Variants in KIF5B observed in about 807,000 individuals in gnomAD.
KIF5B encodes kinesin-1 heavy chain.
A neutral mutation model predicts 132.8 loss-of-function variants in KIF5B; 49 were observed. That is an observed-to-expected ratio of 0.37 (90% CI 0.29 to 0.47). The LOEUF is 0.47. Ranked by LOEUF, KIF5B falls within the 20% of genes least tolerant of loss-of-function variation. KIF5B has a pLI of 1.00. For missense variants in KIF5B, 780 were observed against 1,144.0 expected (o/e 0.68, Z 4.59); for synonymous variants, 355 against 369.4 (o/e 0.96, Z 0.45).
Position 32,036,008 on chromosome 10 carries a change from T to G in KIF5B, c.712-14A>C, listed in dbSNP as rs1482065881. Reference sequence around the variant, plus strand: ...AGTTTTACTAACCTATACATAAGATTTCAAAAGAATGAAACAAAATTACAA... The same window carrying G: ...AGTTTTACTAACCTATACATAAGATGTCAAAAGAATGAAACAAAATTACAA... On this transcript the variant is annotated splice_polypyrimidine_tract_variant and intron_variant, in intron 8 of 25. Transcript: ENST00000302418. The G allele has an allele frequency of 6.7e-7, 1 of 1,493,990 alleles. No homozygotes were observed. The highest frequency in any genetic ancestry group is 1.3e-5 in the South Asian group (1 of 77,450). The allele number at this position is 1,493,990 out of a possible 1,614,324, so 92.5% of individuals were successfully genotyped here.
intron 4 of KIF5B, 104 bp downstream of exon 4, chr10:32,039,223 T>G (rs1400521663): frequency 8.9e-6 from 5 of 563,272 alleles, no homozygotes; most frequent in Non-Finnish European, 1.5e-5. Flanking sequence ...ACTGTACCTT[T>G]CCAGAAAAAC....
chr10:32,024,401 G>A lies in KIF5B; in HGVS notation c.1726-1365C>T, dbSNP rs1157652155. On this transcript the variant is annotated intron_variant, in intron 15 of 25. Transcript: ENST00000302418. The stretch of plus-strand genomic sequence containing the variant: ...GATCTCCTGACCTCGTGATCCGCCC[G>A]CCTCGGCCTCCCAAAGTGCTGGGAT... Among the ~76,000 whole-genome samples the A allele has an allele frequency of 8.8e-5, 13 of 148,066 alleles. No individual in the cohort carries two copies. In the East Asian group the frequency reaches 1.0e-3, roughly 12 times the overall value.
chr10:32,038,743 G>A, intron 5 of KIF5B, 35 bp downstream of exon 5: 1 of 1,108,920 alleles, frequency 9.0e-7, no homozygotes, highest in Non-Finnish European at 1.3e-6. Flanking sequence ...ATTAACAGAT[G>A]TTATTTAAAA....
intron 25 of KIF5B, among the ~76,000 whole-genome samples, chr10:32,012,549 C>G (rs559883810): frequency 6.6e-6 from 1 of 152,314 alleles, no homozygotes; most frequent in South Asian, 2.1e-4. Context: ...CTAAGAACCA[C>G]TATCTTTGGA....
Position 32,040,453 on chromosome 10 carries a change from T to A in KIF5B, c.219A>T (p.Val73=). 6.4e-7 allele frequency: 1 copy of A among 1,568,972 alleles called. No homozygotes were observed. The highest frequency in any genetic ancestry group is 8.8e-7 in the Non-Finnish European group (1 of 1,139,266). Residue 73 remains valine, a synonymous_variant, in exon 3 of 26, where the codon GTA becomes GTT. Coordinates refer to ENST00000302418, the MANE Select transcript of KIF5B (RefSeq NM_004521.3). ...ATATTGTTCCATTATATCCTTCAAG[T>A]ACATCTATGAGAAAAGATTTTATAG... ...NDCAKKIVKD[V]LEGYNGTIFA... is the part of the protein sequence containing the mutation.
At chr10:32,043,866 G>T (rs189366260) in intron 2 of KIF5B, among the ~76,000 whole-genome samples, 3 of 152,218 alleles carry the variant, frequency 2.0e-5, no homozygotes. Context: ...CTGGCAACTT[G>T]CTCATCAAAT....
At chr10:32,022,280 A>T (rs1460758341) in intron 16 of KIF5B, 23 bp from the exon 17 acceptor site, 10 of 1,203,278 alleles carry the variant, frequency 8.3e-6, no homozygotes, top group Non-Finnish European at 1.2e-6. Flanking sequence ...ATATACTGAT[A>T]TGAAGTGGAA....
chr10:32,013,280 T>C (rs182564019), intron 25 of KIF5B, among the ~76,000 whole-genome samples: 86 of 152,320 alleles, frequency 5.6e-4, no homozygotes, highest in African/African-American at 2.0e-3. Context: ...ACAGGAGTTA[T>C]CTCTAATTAT....
At position 32,009,110 on chromosome 10, in the gene KIF5B, G is replaced by A. The variant is rs879351436; in HGVS notation, c.*2427C>T. On this transcript the variant is annotated 3_prime_UTR_variant, in exon 26 of 26. Coordinates refer to ENST00000302418, the MANE Select transcript of KIF5B (RefSeq NM_004521.3). ...CGGTGTCTTCCCAAACCAAGTATTT[G>A]TGAATGTATCTTCAAGCACTGAAAA... 1 of 152,172 alleles carries A rather than the reference G, an allele frequency of 6.6e-6. No homozygotes were observed. The highest frequency in any genetic ancestry group is 1.5e-5 in the Non-Finnish European group (1 of 68,040). 9.4% of individuals were successfully genotyped at this position (152,172 alleles called of 1,614,324 possible).
chr10:32,018,228 C>T, intron 22 of KIF5B, 72 bp from the exon 23 acceptor site: 1 of 1,449,028 alleles, frequency 6.9e-7, no homozygotes, highest in South Asian at 1.4e-5. Context: ...ATTGACGTGA[C>T]TGTAAAGTTA....
At chr10:32,022,385 G>A (rs1841276136) in intron 16 of KIF5B, 128 bp from the exon 17 acceptor site, 1 of 577,750 alleles carries the variant, frequency 1.7e-6, no homozygotes, top group South Asian at 2.5e-5. Context: ...ATATTCAGGA[G>A]CCAATTTTGA....
chr10:32,032,624 C>A, intron 13 of KIF5B, 82 bp downstream of exon 13: 1 of 1,059,080 alleles, frequency 9.4e-7, no homozygotes, highest in Non-Finnish European at 1.5e-6. Context: ...AATTATACAA[C>A]TATTAAAGAC....
chr10:32,037,818 C>A (rs1252701770), intron 6 of KIF5B, among the ~76,000 whole-genome samples: 1 of 151,102 alleles, frequency 6.6e-6, no homozygotes, highest in Non-Finnish European at 1.5e-5. Context: ...AGCAACAGAG[C>A]GAGCCTCCAT....
At chr10:32,020,925 G>A in intron 19 of KIF5B, 97 bp downstream of exon 19, 1 of 597,084 alleles carries the variant, frequency 1.7e-6, no homozygotes, top group Non-Finnish European at 2.8e-6. Flanking sequence ...AGATAAAAAT[G>A]TAATTTTGAT....
Position 32,040,420 on chromosome 10 carries a change from A to G in KIF5B, c.252T>C (p.Tyr84=), listed in dbSNP as rs1449718173. The G allele has an allele frequency of 3.7e-6, 6 of 1,601,326 alleles. No individual in the cohort carries two copies. The African/African-American group carries it at 6.7e-5, about 18-fold the overall frequency. Residue 84 remains tyrosine (Y), a synonymous_variant, in exon 3 of 26, where the codon TAT becomes TAC. Coordinates refer to ENST00000302418, the MANE Select transcript of KIF5B (RefSeq NM_004521.3). ...GTGTCTTCCCAGAGGATGTTTGTCC[A>G]TATGCAAATATTGTTCCATTATATC... ...LEGYNGTIFA[Y]GQTSSGKTHT...
At chr10:32,014,362 G>C (rs1389198971) in intron 25 of KIF5B, among the ~76,000 whole-genome samples, 1 of 151,402 alleles carries the variant, frequency 6.6e-6, no homozygotes, top group Non-Finnish European at 1.5e-5. Context: ...CTGCATGTCA[G>C]CCTGGGCAAC....
intron 3 of KIF5B, 68 bp downstream of exon 3, chr10:32,040,313 AAAT>A: frequency 1.1e-6 from 1 of 908,958 alleles, no homozygotes; most frequent in Non-Finnish European, 1.8e-6. Context: ...ATGCATGGTG[AAAT>A]AATATCACAA....
intron 6 of KIF5B, among the ~76,000 whole-genome samples, 200 bp from the exon 7 acceptor site, chr10:32,037,807 G>A (rs944834728): frequency 2.6e-4 from 39 of 151,672 alleles, no homozygotes; most frequent in Admixed American, 6.6e-5. Context: ...ACTCCAGCCT[G>A]AGCAACAGAG....
chr10:32,052,692 C>T (rs1198031538), intron 1 of KIF5B, among the ~76,000 whole-genome samples: 1 of 152,170 alleles, frequency 6.6e-6, no homozygotes, highest in African/African-American at 2.4e-5. Context: ...CCCTGTCCTC[C>T]TTGCTTTGCG....
Sources: gnomAD v4.1 joint callset for allele counts (sites outside exome capture counted in the v4.1 genomes callset) on GRCh38, gnomAD v4.1.1 for gene constraint, MANE v1.5 for transcripts, NCBI Gene and HGNC (gene_info 2026-07-23, HGNC 2026-07-21) for gene names.